RBBP4: variants seen among roughly 807,000 people sequenced by gnomAD.
RBBP4 encodes the protein histone-binding protein RBBP4.
A neutral mutation model predicts 57.2 loss-of-function variants in RBBP4; 3 were observed. That is an observed-to-expected ratio of 0.05 (90% CI 0.02 to 0.14). The LOEUF (loss-of-function observed/expected upper bound fraction) is 0.14. Ranked by LOEUF, RBBP4 falls within the 10% of genes least tolerant of loss-of-function variation. The pLI, the probability that RBBP4 is intolerant of heterozygous loss-of-function variation, is 1.00. For missense variants in RBBP4, 107 were observed against 520.6 expected (o/e 0.21, Z 7.73); for synonymous variants, 151 against 171.5 (o/e 0.88, Z 0.93).
In RBBP4 at chr1:32,663,925, A is replaced by AT. The variant is rs67743104; in HGVS notation, c.311-4288dup. Among the ~76,000 whole-genome samples, 34 of 144,606 alleles carry AT rather than the reference A, an allele frequency of 2.4e-4. 1 individual carries two copies. Among genetic ancestry groups the AT allele is most frequent in the Middle Eastern group, 3.5e-3 (1 of 284 alleles). 94.9% of individuals were successfully genotyped at this position (144,606 alleles called of 152,430 possible). ...TTCCATTTCTTTTTTTAACCTGTCA[A>AT]TTTTTTTTTTTTCTTTTTTGAGATG... is the stretch of plus-strand genomic sequence containing the variant. On this transcript the variant is annotated intron_variant, in intron 3 of 11. Coordinates refer to ENST00000373493, the MANE Select transcript of RBBP4 (RefSeq NM_005610.3).
In RBBP4 at chr1:32,682,089, C is replaced by T; in HGVS notation, c.*2384C>T. ...GGTTAACTTCTTACAGGTATAATTACAATGCCTGAAATTCTGTAGTTTCAT... is the reference window on the plus strand; with the variant it reads ...GGTTAACTTCTTACAGGTATAATTATAATGCCTGAAATTCTGTAGTTTCAT... On this transcript the variant is annotated 3_prime_UTR_variant, in exon 12 of 12. Coordinates refer to ENST00000373493, the MANE Select transcript of RBBP4 (RefSeq NM_005610.3). 1.9e-6 allele frequency: 1 copy of T among 518,460 alleles called. No individual in the cohort carries two copies. Among genetic ancestry groups the T allele is most frequent in the Non-Finnish European group, 3.4e-6 (1 of 291,686 alleles). 32.1% of individuals were successfully genotyped at this position (518,460 alleles called of 1,614,324 possible). A position where few individuals can be genotyped will look rare whatever the true frequency, so the allele number is the denominator to read the frequency against.
chr1:32,661,356 G>A (rs1047756032), intron 3 of RBBP4, among the ~76,000 whole-genome samples: 3 of 147,426 alleles, frequency 2.0e-5, no homozygotes, highest in African/African-American at 5.0e-5. Flanking sequence ...GTAAAGTGGC[G>A]CTATCTCAAC....
At chr1:32,667,334 T>G (rs1383468631) in intron 3 of RBBP4, among the ~76,000 whole-genome samples, 1 of 152,222 alleles carries the variant, frequency 6.6e-6, no homozygotes, top group African/African-American at 2.4e-5. Context: ...AAGAAAACGC[T>G]GACGTATGCT....
intron 5 of RBBP4, 54 bp from the exon 6 acceptor site, chr1:32,668,918 T>G: frequency 1.2e-6 from 2 of 1,612,346 alleles, no homozygotes; most frequent in Non-Finnish European, 1.7e-6. Flanking sequence ...TTTTTTGGGG[T>G]GTGTGGGGAG....
rs971294145 is a variant in RBBP4, at chr1:32,651,267, A to C, written c.-40A>C. 1 of 1,507,150 alleles carries C rather than the reference A, an allele frequency of 6.6e-7. No homozygotes were observed. Among genetic ancestry groups the C allele is most frequent in the Admixed American group, 2.2e-5 (1 of 44,778 alleles). The allele number at this position is 1,507,150 out of a possible 1,614,324, so 93.4% of individuals were successfully genotyped here. A position where few individuals can be genotyped will look rare whatever the true frequency, so the allele number is the denominator to read the frequency against. On this transcript the variant is annotated 5_prime_UTR_variant, in exon 1 of 12. Transcript: ENST00000373493. Reference sequence around the variant, plus strand: ...CTTGCAGCCTCCCCGCCCCTCCCGCAACGCTCGACCCCAGGATTCCCCCGG... The same window carrying C: ...CTTGCAGCCTCCCCGCCCCTCCCGCCACGCTCGACCCCAGGATTCCCCCGG...
rs747203316 is a variant in RBBP4, at chr1:32,657,478, A to T, written c.216A>T (p.Thr72=). 1.9e-6 allele frequency: 3 copies of T among 1,613,916 alleles called. No homozygotes were observed. The highest frequency in any genetic ancestry group is 2.7e-5 in the African/African-American group (2 of 74,914). ...SIHRLVLGTH[T]SDEQNHLVIA... is the part of the protein sequence containing the mutation. ...ATCGACTTGTCCTGGGGACACACAC[A>T]TCGGATGAACAAAACCATCTTGTTA... Residue 72 remains threonine, a synonymous_variant, in exon 3 of 12, where the codon ACA becomes ACT. Transcript: ENST00000373493.
chr1:32,684,445 C>G lies in RBBP4; in HGVS notation c.*4740C>G. ...ACAATAAAAACTCACATTGTCCACT[C>G]TTACTTATAAAACACTTTTTTGTTC... On this transcript the variant is annotated 3_prime_UTR_variant, in exon 12 of 12. Transcript: ENST00000373493. 1 of 1,606,908 alleles carries G rather than the reference C, an allele frequency of 6.2e-7. No individual in the cohort carries two copies. Among genetic ancestry groups the G allele is most frequent in the Non-Finnish European group, 8.5e-7 (1 of 1,176,394 alleles).
Position 32,682,995 on chromosome 1 carries a change from C to T in RBBP4, c.*3290C>T, listed in dbSNP as rs529424667. On this transcript the variant is annotated 3_prime_UTR_variant, in exon 12 of 12. Coordinates refer to ENST00000373493, the MANE Select transcript of RBBP4 (RefSeq NM_005610.3). ...TTTTGTCAGTGTCTAAAAGTTAAGT[C>T]TGTTTAGGCCAAGCATGGTGGCTCA... 6.6e-6 allele frequency: 1 copy of T among 151,862 alleles called. No homozygotes were observed. Among genetic ancestry groups the T allele is most frequent in the South Asian group, 2.1e-4 (1 of 4,796 alleles). The allele number at this position is 151,862 out of a possible 1,614,324, so 9.4% of individuals were successfully genotyped here.
chr1:32,653,641 T>TTTTTGTG (rs1557849791), intron 2 of RBBP4, among the ~76,000 whole-genome samples: 1 of 19,940 alleles, frequency 5.0e-5, no homozygotes, highest in African/African-American at 1.2e-4. Flanking sequence ...TTTCTGGTTT[T>TTTTTGTG]TTTTTTTTTT....
chr1:32,655,635 C>T (rs916419442), intron 2 of RBBP4, among the ~76,000 whole-genome samples: 7 of 152,288 alleles, frequency 4.6e-5, no homozygotes, highest in East Asian at 3.9e-4. Context: ...TCTGCCTGCC[C>T]GTGTCTTCCC....
chr1:32,654,821 G>A (rs367838151), intron 2 of RBBP4, among the ~76,000 whole-genome samples: 85 of 152,226 alleles, frequency 5.6e-4, no homozygotes, highest in African/African-American at 1.9e-3. Context: ...AGCCTCCCAA[G>A]TAGCTGGGAT....
In RBBP4 at chr1:32,685,849, G is replaced by A. The variant is rs1649788507; in HGVS notation, c.*6144G>A. 1 of 152,136 alleles carries A rather than the reference G, an allele frequency of 6.6e-6. No homozygotes were observed. The highest frequency in any genetic ancestry group is 1.5e-5 in the Non-Finnish European group (1 of 68,018). 9.4% of individuals were successfully genotyped at this position (152,136 alleles called of 1,614,324 possible). A position where few individuals can be genotyped will look rare whatever the true frequency, so the allele number is the denominator to read the frequency against. ...GGATTGCTACAGTGGCATTAAGGAT[G>A]GTCTCTTAATCCTGTGTTAACCACT... On this transcript the variant is annotated 3_prime_UTR_variant, in exon 12 of 12. Transcript: ENST00000373493.
chr1:32,673,836 C>T lies in RBBP4; in HGVS notation c.1212+935C>T, dbSNP rs190539562. ...ATATTCGGCCGAGCACGTTGGCTCA[C>T]GCCTGTAATCCCAGTACTCTGGGAG... On this transcript the variant is annotated intron_variant, in intron 11 of 11. Coordinates refer to ENST00000373493, the MANE Select transcript of RBBP4 (RefSeq NM_005610.3). Among the ~76,000 whole-genome samples, 1,369 of 152,240 alleles carry T rather than the reference C, an allele frequency of 9.0e-3. 83 individuals carry two copies. The highest frequency in any genetic ancestry group is 0.08 in the Admixed American group (1,221 of 15,288).
chr1:32,679,877 G>A lies in RBBP4; in HGVS notation c.*172G>A, dbSNP rs1347507679. ...GTGTTTTCTAAATATTAATAGGGGG[G>A]CTTGATTCAACAAAGCCACAGACTT... On this transcript the variant is annotated 3_prime_UTR_variant, in exon 12 of 12. Transcript: ENST00000373493. 2.3e-6 allele frequency: 3 copies of A among 1,295,744 alleles called. No individual in the cohort carries two copies. Among genetic ancestry groups the A allele is most frequent in the African/African-American group, 1.5e-5 (1 of 64,916 alleles). 80.3% of individuals were successfully genotyped at this position (1,295,744 alleles called of 1,614,324 possible). A position where few individuals can be genotyped will look rare whatever the true frequency, so the allele number is the denominator to read the frequency against.
In RBBP4 at chr1:32,655,218, C is replaced by T. The variant is rs576015646; in HGVS notation, c.165-2209C>T. Among the ~76,000 whole-genome samples, 345 of 151,110 alleles carry T rather than the reference C, an allele frequency of 2.3e-3. 3 individuals are homozygous for T. The highest frequency in any genetic ancestry group is 3.8e-3 in the Non-Finnish European group (256 of 67,998). On this transcript the variant is annotated intron_variant, in intron 2 of 11. Transcript: ENST00000373493. ...TCTTTAACTTCTGGGCTCCAGTGAT[C>T]CTCCCACTTTGACCTCCCAAAGTGC...
chr1:32,676,520 G>A (rs1035041765), intron 11 of RBBP4, among the ~76,000 whole-genome samples: 2 of 151,242 alleles, frequency 1.3e-5, no homozygotes, highest in Non-Finnish European at 2.9e-5. Flanking sequence ...TGAGGCAGGA[G>A]ACTTGTTTGA....
chr1:32,662,675 A>G (rs550907301), intron 3 of RBBP4, among the ~76,000 whole-genome samples: 15 of 151,712 alleles, frequency 9.9e-5, no homozygotes, highest in Non-Finnish European at 2.2e-4. Flanking sequence ...TGCCCAGCCT[A>G]GTTTTGTTTT....
In RBBP4 at chr1:32,681,581, A is replaced by C. The variant is rs569539444; in HGVS notation, c.*1876A>C. The C allele has an allele frequency of 3.5e-6, 2 of 569,922 alleles. No homozygotes were observed. The highest frequency in any genetic ancestry group is 5.9e-5 in the East Asian group (2 of 34,146). The allele number at this position is 569,922 out of a possible 1,614,324, so 35.3% of individuals were successfully genotyped here. ...GTGAGGGTTGTTGCTGGAAGACAGG[A>C]GGCTCATCTTTCCTTTCCTTGGTGC... On this transcript the variant is annotated 3_prime_UTR_variant, in exon 12 of 12. Coordinates refer to ENST00000373493, the MANE Select transcript of RBBP4 (RefSeq NM_005610.3).
intron 11 of RBBP4, among the ~76,000 whole-genome samples, chr1:32,678,250 T>A (rs928980166): frequency 6.6e-6 from 1 of 152,162 alleles, no homozygotes; most frequent in South Asian, 2.1e-4. Flanking sequence ...CTGTTTTTTT[T>A]AGACGAAGTC....
Sources: gnomAD v4.1 joint callset for allele counts (sites outside exome capture counted in the v4.1 genomes callset) on GRCh38, gnomAD v4.1.1 for gene constraint, MANE v1.5 for transcripts, NCBI Gene and HGNC (gene_info 2026-07-23, HGNC 2026-07-21) for gene names.